Variants in OSBPL5 observed in about 807,000 individuals in gnomAD.
OSBPL5 encodes oxysterol binding protein like 5, also known as oxysterol-binding protein-related protein 5.
Under a neutral mutation model 111.2 loss-of-function variants are expected in OSBPL5, and 71 were observed. The ratio of observed to expected loss-of-function variants is 0.64; its 90% CI spans 0.53 to 0.78. The LOEUF is 0.78. OSBPL5 is among the 30% of genes least tolerant of loss of function. The pLI, the probability that OSBPL5 is intolerant of heterozygous loss-of-function variation, is 0.00. For missense variants in OSBPL5, 1,210 were observed against 1,189.3 expected (o/e 1.02, Z -0.26); for synonymous variants, 549 against 513.9 (o/e 1.07, Z -0.93).
rs543553984 is a variant in OSBPL5, at chr11:3,142,520, C to T, written c.-21-13351G>A. Reference sequence around the variant, plus strand: ...AGATTTCACCCGGATGCTTAGCTCCCCTCCCTTTTTACAGATGAGGAAACT... The same window carrying T: ...AGATTTCACCCGGATGCTTAGCTCCTCTCCCTTTTTACAGATGAGGAAACT... On this transcript the variant is annotated intron_variant, in intron 1 of 21. Transcript: ENST00000263650. This position sits in a 1 kb window ranked among gnomAD's most constrained non-coding sequence, Gnocchi z 7.1. Among the ~76,000 whole-genome samples the T allele has an allele frequency of 6.6e-6, 1 of 152,300 alleles. No individual in the cohort carries two copies. The highest frequency in any genetic ancestry group is 2.1e-4 in the South Asian group (1 of 4,832).
intron 7 of OSBPL5, among the ~76,000 whole-genome samples, chr11:3,115,154 T>C (rs2134445001): frequency 6.6e-6 from 1 of 152,336 alleles, no homozygotes; most frequent in Non-Finnish European, 1.5e-5. Context: ...GAAAATGTTT[T>C]CTTCTAACAT....
chr11:3,154,699 G>T lies in OSBPL5; in HGVS notation c.-22+10517C>A. Among the ~76,000 whole-genome samples, 1 of 152,150 alleles carries T rather than the reference G, an allele frequency of 6.6e-6. No individual in the cohort carries two copies. The highest frequency in any genetic ancestry group is 1.9e-4 in the East Asian group (1 of 5,184). ...TAGTCTGACTGCTCCACTACCCATG[G>T]TTATGGGCTAAATGTGTCCCCTCAA... On this transcript the variant is annotated intron_variant, in intron 1 of 21. Coordinates refer to ENST00000263650, the MANE Select transcript of OSBPL5 (RefSeq NM_020896.4). The surrounding 1 kb of genome is among the most constrained non-coding windows in gnomAD (Gnocchi z 4.9).
At position 3,121,061 on chromosome 11, in the gene OSBPL5, C is replaced by CTTTTT. The variant is rs34351257; in HGVS notation, c.403-442_403-438dup. Among the ~76,000 whole-genome samples, 213 of 130,342 alleles carry CTTTTT rather than the reference C, an allele frequency of 1.6e-3. 5 individuals are homozygous for CTTTTT. The highest frequency in any genetic ancestry group is 3.1e-3 in the African/African-American group (109 of 34,662). The allele number at this position is 130,342 out of a possible 152,430, so 85.5% of individuals were successfully genotyped here. A position where few individuals can be genotyped will look rare whatever the true frequency, so the allele number is the denominator to read the frequency against. ...CTTGTAACTGGCAGCTTTGTAGATT[C>CTTTTT]TTTTTTTTTTTTTTTTTGAGACAGA... On this transcript the variant is annotated intron_variant, in intron 5 of 21. Transcript: ENST00000263650. This position sits in a 1 kb window ranked among gnomAD's most constrained non-coding sequence, Gnocchi z 4.3.
rs1284485074 is a variant in OSBPL5 at position 3,146,240 on chromosome 11, C to G, written c.-21-17071G>C. On this transcript the variant is annotated intron_variant, in intron 1 of 21. Coordinates refer to ENST00000263650, the MANE Select transcript of OSBPL5 (RefSeq NM_020896.4). The surrounding 1 kb of genome is among the most constrained non-coding windows in gnomAD (Gnocchi z 7.8). ...GACACACTGCCCTTATGAGCTGCGC[C>G]CCCACCCCCAAACCCACCTCTGGGG... 1 of 152,178 alleles carries G rather than the reference C, an allele frequency of 6.6e-6. No homozygotes were observed. Among genetic ancestry groups the G allele is most frequent in the Non-Finnish European group, 1.5e-5 (1 of 68,062 alleles). 9.4% of individuals were successfully genotyped at this position (152,178 alleles called of 1,614,324 possible).
intron 12 of OSBPL5, among the ~76,000 whole-genome samples, 159 bp from the exon 13 acceptor site, chr11:3,101,858 G>T (rs998951823): frequency 2.0e-5 from 3 of 152,142 alleles, no homozygotes; most frequent in Non-Finnish European, 4.4e-5. Flanking sequence ...TCTCGCTTAC[G>T]ACGCCCAGGG....
Position 3,103,254 on chromosome 11 carries a change from G to A in OSBPL5, c.1311C>T (p.Phe437=), listed in dbSNP as rs767631820. 22 of 1,604,938 alleles carry A rather than the reference G, an allele frequency of 1.4e-5. No individual in the cohort carries two copies. The Admixed American group carries it at 3.5e-4, about 26-fold the overall frequency. ...AGGGGCTCACCTTGGGCTTCTTGTAGAAGCCAGACAGGTACCACCGCAGCA... is the reference window on the plus strand; with the variant it reads ...AGGGGCTCACCTTGGGCTTCTTGTAAAAGCCAGACAGGTACCACCGCAGCA... ...KLVLRWYLSG[F]YKKPKGIKKP... Residue 437 remains phenylalanine, a synonymous_variant, in exon 11 of 22, where the codon TTC becomes TTT. Transcript: ENST00000263650.
intron 13 of OSBPL5, 83 bp from the exon 14 acceptor site, chr11:3,100,339 G>C: frequency 8.1e-7 from 1 of 1,238,462 alleles, no homozygotes; most frequent in Non-Finnish European, 1.2e-6. Flanking sequence ...CAGGGTCTGA[G>C]CTCCTTCCAA....
chr11:3,100,073 C>T, intron 14 of OSBPL5, 85 bp downstream of exon 14: 1 of 1,115,260 alleles, frequency 9.0e-7, no homozygotes, highest in South Asian at 1.3e-5. Context: ...AAGATACCTT[C>T]AAGCAAATAA....
chr11:3,120,600 T>C lies in OSBPL5; in HGVS notation c.427A>G (p.Thr143Ala). 1 of 1,613,058 alleles carries C rather than the reference T, an allele frequency of 6.2e-7. No homozygotes were observed. The highest frequency in any genetic ancestry group is 8.5e-7 in the Non-Finnish European group (1 of 1,179,996). The change falls in exon 6 of 22, where the codon ACC (threonine) becomes GCC (alanine). Residue 143 changes from threonine to alanine, a missense_variant. Thr to Ala is a moderately conservative substitution (Grantham distance 58). Transcript: ENST00000263650. ...LKIRGTLKSW[T>A]KLWCVLKPGV... ...GGCTTCAGCACGCACCACAGCTTGG[T>C]CCAGCTCTTCAGGGTGCCGCGGATC...
At chr11:3,120,117 GCTGGGCGCTGTTC>G in intron 6 of OSBPL5, 1 of 522,596 alleles carries the variant, frequency 1.9e-6, no homozygotes, top group Non-Finnish European at 3.5e-6. Flanking sequence ...AGGGGTGAGG[GCTGGGCGCTGTTC>G]CTCGGCCACC....
rs889037105 is a variant in OSBPL5, at chr11:3,142,214, C to T, written c.-21-13045G>A. 3.9e-5 allele frequency among the ~76,000 whole-genome samples: 6 copies of T among 152,356 alleles called. No individual in the cohort carries two copies. The highest frequency in any genetic ancestry group is 1.9e-4 in the East Asian group (1 of 5,186). ...GATTACAGGCGTGAGCCACCGTGCCCGGCCGACAGCTGGTTTCTGAGGCCA... is the reference window on the plus strand; with the variant it reads ...GATTACAGGCGTGAGCCACCGTGCCTGGCCGACAGCTGGTTTCTGAGGCCA... On this transcript the variant is annotated intron_variant, in intron 1 of 21. Transcript: ENST00000263650. The surrounding 1 kb of genome is among the most constrained non-coding windows in gnomAD (Gnocchi z 7.1).
At chr11:3,122,948 T>G (rs1441345382) in intron 3 of OSBPL5, among the ~76,000 whole-genome samples, 1 of 152,222 alleles carries the variant, frequency 6.6e-6, no homozygotes, top group East Asian at 1.9e-4. Context: ...AAAGAACAGC[T>G]TCCCTGCCTT....
Position 3,154,217 on chromosome 11 carries a change from G to C in OSBPL5, c.-22+10999C>G, listed in dbSNP as rs1196306908. On this transcript the variant is annotated intron_variant, in intron 1 of 21. Transcript: ENST00000263650. This position sits in a 1 kb window ranked among gnomAD's most constrained non-coding sequence, Gnocchi z 4.9. ...GGCGGCTGACACACTCCAGCCCACA[G>C]ATCCTGGCCCAGGATGCTGGGACCT... Among the ~76,000 whole-genome samples, 1 of 152,268 alleles carries C rather than the reference G, an allele frequency of 6.6e-6. No homozygotes were observed. The highest frequency in any genetic ancestry group is 1.5e-5 in the Non-Finnish European group (1 of 68,048).
Position 3,089,957 on chromosome 11 carries a change from G to A in OSBPL5, c.2399-9C>T, listed in dbSNP as rs1274396947. The A allele has an allele frequency of 2.6e-6, 4 of 1,526,700 alleles. No homozygotes were observed. Among genetic ancestry groups the A allele is most frequent in the African/African-American group, 1.4e-5 (1 of 72,872 alleles). 94.6% of individuals were successfully genotyped at this position (1,526,700 alleles called of 1,614,324 possible). On this transcript the variant is annotated splice_polypyrimidine_tract_variant and intron_variant, in intron 20 of 21. Transcript: ENST00000263650. The stretch of plus-strand genomic sequence containing the variant: ...GCATGGGCTCTCACCGCCTGGGACG[G>A]CCCCGAGTGAGACAAAGGAGGGGAG...
At chr11:3,122,169 GCCC>G in intron 4 of OSBPL5, 71 bp from the exon 5 acceptor site, 1 of 1,466,842 alleles carries the variant, frequency 6.8e-7, no homozygotes, top group Non-Finnish European at 9.2e-7. Context: ...CCACCGTCCA[GCCC>G]AGGGATGGGT....
intron 10 of OSBPL5, among the ~76,000 whole-genome samples, chr11:3,103,751 T>TGCC (rs1857555972): frequency 2.1e-5 from 1 of 48,610 alleles, no homozygotes; most frequent in Non-Finnish European, 5.4e-5. Context: ...TGCAACCCTC[T>TGCC]TCCAGCTCTG....
intron 1 of OSBPL5, among the ~76,000 whole-genome samples, chr11:3,136,195 C>T (rs1460604876): frequency 6.6e-6 from 1 of 152,180 alleles, no homozygotes; most frequent in Non-Finnish European, 1.5e-5. Flanking sequence ...GGCCCAGGCC[C>T]AATGGGGGCC....
rs758559324 is a variant in OSBPL5 at position 3,102,286 on chromosome 11, A to G, written c.1327-5T>C. ...GTTGTACGGCTTCTTGATTCCCTGC[A>G]GACAACAGAGACTTGTGTGAGGAGC... On this transcript the variant is annotated splice_region_variant and splice_polypyrimidine_tract_variant and intron_variant, in intron 11 of 21. Transcript: ENST00000263650. The G allele has an allele frequency of 3.8e-6, 6 of 1,586,284 alleles. No homozygotes were observed. The highest frequency in any genetic ancestry group is 1.2e-5 in the South Asian group (1 of 86,774).
intron 1 of OSBPL5, among the ~76,000 whole-genome samples, chr11:3,131,681 CCCACCCACCCAT>C (rs1845790513): frequency 9.6e-6 from 1 of 104,046 alleles, no homozygotes. Context: ...CATCCATCCA[CCCACCCACCCAT>C]TCATCTATCC....
Sources: allele counts gnomAD v4.1 joint callset (sites outside exome capture counted in the v4.1 genomes callset), GRCh38; gene constraint gnomAD v4.1.1; non-coding constraint Gnocchi (gnomAD v3.1); transcripts MANE v1.5; gene names NCBI Gene and HGNC (gene_info 2026-07-23, HGNC 2026-07-21).